The following SLC15A5 variants were observed in gnomAD, a reference collection of about 807,000 sequenced individuals.
The protein encoded by SLC15A5 is Peptide/histidine transporter ENSP00000340402.
Under a neutral mutation model 56.1 loss-of-function variants are expected in SLC15A5, and 58 were observed. The ratio of observed to expected loss-of-function variants is 1.03; its 90% CI spans 0.84 to 1.29. The LOEUF is 1.29. Ranked by LOEUF, SLC15A5 falls within the 50% of genes most tolerant of loss-of-function variation. The pLI, the probability that SLC15A5 is intolerant of heterozygous loss-of-function variation, is 0.00. For synonymous variants in SLC15A5, 264 were observed against 250.5 expected, an observed-to-expected ratio of 1.05 and a Z score of -0.51; for missense variants, 681 against 672.1, an observed-to-expected ratio of 1.01 and a Z score of -0.15.
chr12:16,207,783 A>G (rs758540006), intron 7 of SLC15A5, among the ~76,000 whole-genome samples: 33 of 151,878 alleles, frequency 2.2e-4, no homozygotes, highest in Middle Eastern at 3.4e-3. Context: ...CCTCCCAAGT[A>G]GCAGGGATTA....
At chr12:16,264,025 C>T (rs746002462) in intron 2 of SLC15A5, among the ~76,000 whole-genome samples, 8 of 152,288 alleles carry the variant, frequency 5.3e-5, no homozygotes, top group Non-Finnish European at 1.2e-4. Flanking sequence ...TGGGGCATTG[C>T]CTACTGGAGC....
In SLC15A5 at chr12:16,272,650, G is replaced by C. The variant is rs1355913708; in HGVS notation, c.495C>G (p.Gly165=). 3 of 1,537,026 alleles carry C rather than the reference G, an allele frequency of 2.0e-6. No homozygotes were observed. Among genetic ancestry groups the C allele is most frequent in the African/African-American group, 1.4e-5 (1 of 73,124 alleles). ...FYVALLTICL[G]IGGVRAIVCP... ...AGACGATGGCTCTTACGCCTCCAATGCCAAGGCAAATGGTCAGCAGTGCTA... is the reference window on the plus strand; with the variant it reads ...AGACGATGGCTCTTACGCCTCCAATCCCAAGGCAAATGGTCAGCAGTGCTA... Residue 165 remains glycine (G), a synonymous_variant, in exon 2 of 9, where the codon GGC becomes GGG. Coordinates refer to ENST00000344941, the MANE Select transcript of SLC15A5 (RefSeq NM_001170798.1).
chr12:16,272,579 G>T lies in SLC15A5; in HGVS notation c.566C>A (p.Thr189Lys). Residue 189 changes from threonine (T) to lysine (K), a missense_variant, in exon 2 of 9, where the codon ACG becomes AAG. Physicochemically the swap from Thr to Lys is moderately conservative, Grantham distance 78. Transcript: ENST00000344941. Reference protein sequence around the residue: ...FGLQEYGSQKTMSFFNWFYWL... With the variant: ...FGLQEYGSQKKMSFFNWFYWL... The stretch of plus-strand genomic sequence containing the variant: ...TACTTACCAGTTAAAAAAAGACATC[G>T]TTTTTTGTGATCCATACTCCTGAAG... 2 of 1,536,788 alleles carry T rather than the reference G, an allele frequency of 1.3e-6. No homozygotes were observed. The highest frequency in any genetic ancestry group is 1.7e-6 in the Non-Finnish European group (2 of 1,146,590).
chr12:16,232,946 GAAGA>G (rs780836977), intron 5 of SLC15A5, among the ~76,000 whole-genome samples: 5 of 126,520 alleles, frequency 4.0e-5, no homozygotes, highest in Non-Finnish European at 8.3e-5. Context: ...AGAGAGAGAG[GAAGA>G]AAGAAAGAAG....
chr12:16,220,052 T>C (rs1864170669), intron 6 of SLC15A5, among the ~76,000 whole-genome samples: 3 of 152,158 alleles, frequency 2.0e-5, no homozygotes, highest in African/African-American at 7.2e-5. Flanking sequence ...AAATATTTTT[T>C]ACTCTCGTTG....
chr12:16,219,591 C>A (rs915803245), intron 6 of SLC15A5, among the ~76,000 whole-genome samples: 1 of 152,110 alleles, frequency 6.6e-6, no homozygotes, highest in Non-Finnish European at 1.5e-5. Context: ...CACACTTTGC[C>A]AGCTCTCTGC....
At chr12:16,241,619 T>C (rs1405141304) in intron 4 of SLC15A5, among the ~76,000 whole-genome samples, 1 of 152,186 alleles carries the variant, frequency 6.6e-6, no homozygotes, top group Non-Finnish European at 1.5e-5. Context: ...ATTAGTTAGT[T>C]CTGCCCTACT....
chr12:16,198,396 C>T (rs3843666), intron 7 of SLC15A5, among the ~76,000 whole-genome samples: 73,253 of 151,902 alleles, frequency 0.48, 18,144 homozygotes, highest in South Asian at 0.72. Context: ...CCGAAATTAT[C>T]ACAGTCATTT....
intron 5 of SLC15A5, among the ~76,000 whole-genome samples, chr12:16,224,943 G>T (rs1214097698): frequency 1.4e-5 from 2 of 138,402 alleles, no homozygotes; most frequent in African/African-American, 2.7e-5. Context: ...TATTCTCATT[G>T]TTCAATTCCC....
chr12:16,200,046 A>G (rs1863937393), intron 7 of SLC15A5, among the ~76,000 whole-genome samples: 1 of 151,978 alleles, frequency 6.6e-6, no homozygotes, highest in African/African-American at 2.4e-5. Flanking sequence ...AGTAAACACT[A>G]CTCTCAGCAA....
intron 3 of SLC15A5, among the ~76,000 whole-genome samples, chr12:16,256,966 T>C (rs1245782359): frequency 6.6e-6 from 1 of 150,536 alleles, no homozygotes; most frequent in Admixed American, 6.6e-5. Flanking sequence ...TCTGGACATA[T>C]CTGGCATTTG....
intron 2 of SLC15A5, among the ~76,000 whole-genome samples, chr12:16,265,061 T>C (rs1029169957): frequency 1.3e-5 from 2 of 152,170 alleles, no homozygotes; most frequent in Non-Finnish European, 2.9e-5. Flanking sequence ...TTTCAGTGCA[T>C]TGGGAAGTCA....
rs1425451383 is a variant in SLC15A5 at position 16,277,353 on chromosome 12, C to T, written c.333G>A (p.Val111=). 2 of 1,533,486 alleles carry T rather than the reference C, an allele frequency of 1.3e-6. No individual in the cohort carries two copies. Among genetic ancestry groups the T allele is most frequent in the South Asian group, 1.2e-5 (1 of 83,542 alleles). The allele number at this position is 1,533,486 out of a possible 1,614,324, so 95.0% of individuals were successfully genotyped here. Residue 111 remains valine (V), a synonymous_variant, in exon 1 of 9, where the codon GTG becomes GTA. Coordinates refer to ENST00000344941, the MANE Select transcript of SLC15A5 (RefSeq NM_001170798.1). ...GAAAATGTAGAAACAAGCAAATGTACACCAGTTTGTTTCTTCCTAAATAGA... is the reference window on the plus strand; with the variant it reads ...GAAAATGTAGAAACAAGCAAATGTATACCAGTTTGTTTCTTCCTAAATAGA... ...TDVYLGRNKL[V]YICLFLHFLG... is the part of the protein sequence containing the mutation.
At chr12:16,226,460 T>A (rs1591648087) in intron 5 of SLC15A5, among the ~76,000 whole-genome samples, 1 of 152,200 alleles carries the variant, frequency 6.6e-6, no homozygotes, top group Middle Eastern at 3.4e-3. Context: ...GATATATGAG[T>A]CAAAAATTAT....
In SLC15A5 at chr12:16,196,064, AGTAGCTGTGT is replaced by A. The variant is rs1330135198; in HGVS notation, c.1484-1621_1484-1612del. Among the ~76,000 whole-genome samples the A allele has an allele frequency of 6.6e-6, 1 of 152,116 alleles. No individual in the cohort carries two copies. Among genetic ancestry groups the A allele is most frequent in the Non-Finnish European group, 1.5e-5 (1 of 68,002 alleles). ...AATCCTGATTATGCTATTAATTTGC[AGTAGCTGTGT>A]GTGTCTTATTTATCCTTATATTTTC... On this transcript the variant is annotated intron_variant, in intron 7 of 8. Coordinates refer to ENST00000344941, the MANE Select transcript of SLC15A5 (RefSeq NM_001170798.1). This position sits in a 1 kb window ranked among gnomAD's most constrained non-coding sequence, Gnocchi z 4.0.
chr12:16,213,863 T>C (rs1248397749), intron 7 of SLC15A5, among the ~76,000 whole-genome samples: 5 of 152,180 alleles, frequency 3.3e-5, no homozygotes, highest in Non-Finnish European at 5.9e-5. Context: ...GCCAGAATTA[T>C]ATAAACTTTT....
intron 7 of SLC15A5, among the ~76,000 whole-genome samples, chr12:16,215,496 G>A (rs909617924): frequency 1.3e-5 from 2 of 152,190 alleles, no homozygotes; most frequent in African/African-American, 4.8e-5. Context: ...TGTGAATATA[G>A]GTAAGACTTC....
chr12:16,210,207 G>T (rs1347538497), intron 7 of SLC15A5, among the ~76,000 whole-genome samples: 1 of 152,104 alleles, frequency 6.6e-6, no homozygotes, highest in Non-Finnish European at 1.5e-5. Context: ...TCTAGTTTCA[G>T]CTTCAATACC....
chr12:16,199,331 C>G (rs1863928123), intron 7 of SLC15A5, among the ~76,000 whole-genome samples: 1 of 139,466 alleles, frequency 7.2e-6, no homozygotes, highest in Non-Finnish European at 1.5e-5. Context: ...AAAAAGGATG[C>G]ATGTTTTCCA....
Sources: gnomAD v4.1 joint callset for allele counts (sites outside exome capture counted in the v4.1 genomes callset) on GRCh38, gnomAD v4.1.1 for gene constraint, Gnocchi (gnomAD v3.1) non-coding constraint, MANE v1.5 for transcripts, NCBI Gene and HGNC (gene_info 2026-07-23, HGNC 2026-07-21) for gene names.